The following DLGAP1 variants were observed in gnomAD, a reference collection of about 807,000 sequenced individuals.
DLGAP1 encodes the protein DLG associated protein 1.
In DLGAP1, 11 loss-of-function variants were observed where a neutral mutation model predicts 90.8. The observed-to-expected ratio is 0.12, with a 90% CI of 0.08 to 0.20. The LOEUF is 0.20. Among genes scored for constraint, DLGAP1 ranks in the 10% least tolerant of loss-of-function variants. The probability of loss-of-function intolerance (pLI) is 1.00; values close to 1 mark genes in which losing one functional copy is unlikely to be tolerated. For synonymous variants in DLGAP1, 558 were observed against 540.7 expected, an observed-to-expected ratio of 1.03 and a Z score of -0.44; for missense variants, 1,050 against 1,333.8, an observed-to-expected ratio of 0.79 and a Z score of 3.31.
chr18:3,717,753 A>C (rs1345431401), intron 7 of DLGAP1, among the ~76,000 whole-genome samples: 1 of 152,208 alleles, frequency 6.6e-6, no homozygotes, highest in East Asian at 1.9e-4. Context: ...CAATTAACAG[A>C]TATTCATGGG....
At chr18:4,365,899 A>C (rs1432471779) in intron 1 of DLGAP1, among the ~76,000 whole-genome samples, 1 of 152,106 alleles carries the variant, frequency 6.6e-6, no homozygotes, top group African/African-American at 2.4e-5. Context: ...TGGCTCTGTA[A>C]ATAGCTTGGC....
chr18:4,347,386 T>C (rs1380313689), intron 1 of DLGAP1, among the ~76,000 whole-genome samples: 2 of 152,090 alleles, frequency 1.3e-5, no homozygotes, highest in African/African-American at 4.8e-5. Context: ...TAAAAAACTT[T>C]GTTCAAAAGA....
At chr18:4,051,351 G>T (rs2075131115) in intron 2 of DLGAP1, among the ~76,000 whole-genome samples, 1 of 152,178 alleles carries the variant, frequency 6.6e-6, no homozygotes, top group South Asian at 2.1e-4. Context: ...GCATGGCTGG[G>T]GAGGTCACAG....
At chr18:3,529,170 CAG>C (rs1475005084) in intron 10 of DLGAP1, among the ~76,000 whole-genome samples, 3 of 152,186 alleles carry the variant, frequency 2.0e-5, no homozygotes, top group African/African-American at 7.2e-5. Context: ...AATAGTAAGA[CAG>C]GGGGCCTATA....
At chr18:4,242,421 C>T (rs1238022116) in intron 1 of DLGAP1, among the ~76,000 whole-genome samples, 1 of 151,972 alleles carries the variant, frequency 6.6e-6, no homozygotes, top group Admixed American at 6.6e-5. Context: ...GCACATGGAT[C>T]TGAAATGAAG....
intron 5 of DLGAP1, among the ~76,000 whole-genome samples, chr18:3,811,742 G>A (rs905719061): frequency 5.9e-5 from 9 of 152,222 alleles, no homozygotes; most frequent in African/African-American, 1.9e-4. Flanking sequence ...GGTCCAGGAC[G>A]TTGGAGGAGG....
At position 4,454,406 on chromosome 18, in the gene DLGAP1, T is replaced by TTC. The variant is rs1555621484; in HGVS notation, c.-267+598_-267+599dup. 0.013 allele frequency among the ~76,000 whole-genome samples: 2,027 copies of TTC among 150,606 alleles called. 42 individuals carry two copies. The highest frequency in any genetic ancestry group is 0.043 in the African/African-American group (1,766 of 41,136). ...CAGTGACCTCCTCCTTGGACCCCAT[T>TTC]TCTCTCTCTCTCTCTCTCTCTGTGC... On this transcript the variant is annotated intron_variant, in intron 1 of 12. Transcript: ENST00000315677. The surrounding 1 kb of genome is among the most constrained non-coding windows in gnomAD (Gnocchi z 4.7).
At chr18:3,688,843 C>T (rs2016257807) in intron 7 of DLGAP1, among the ~76,000 whole-genome samples, 1 of 152,136 alleles carries the variant, frequency 6.6e-6, no homozygotes, top group Non-Finnish European at 1.5e-5. Flanking sequence ...CATCCGGCCT[C>T]CTTTCTGGTC....
chr18:4,103,085 T>C (rs2075805426), intron 2 of DLGAP1, among the ~76,000 whole-genome samples: 1 of 152,236 alleles, frequency 6.6e-6, no homozygotes, highest in Non-Finnish European at 1.5e-5. Context: ...TATGTTTTGA[T>C]ACTTGGCGGA....
chr18:4,150,632 C>T (rs1447597639), intron 2 of DLGAP1, among the ~76,000 whole-genome samples: 4 of 152,226 alleles, frequency 2.6e-5, no homozygotes, highest in Non-Finnish European at 5.9e-5. Context: ...TGGGGTTTCA[C>T]CATATTGGCC....
intron 2 of DLGAP1, among the ~76,000 whole-genome samples, chr18:4,142,482 G>C (rs2076511148): frequency 6.6e-6 from 1 of 152,038 alleles, no homozygotes; most frequent in South Asian, 2.1e-4. Flanking sequence ...GATAGTGATA[G>C]GTCTCTGAGA....
chr18:3,746,545 A>G (rs534658873), intron 5 of DLGAP1, among the ~76,000 whole-genome samples: 1 of 152,316 alleles, frequency 6.6e-6, no homozygotes, highest in East Asian at 1.9e-4. Context: ...TGTGTATAAG[A>G]ACATATTTGC....
At chr18:3,721,106 TAAAG>T in intron 7 of DLGAP1, among the ~76,000 whole-genome samples, 1 of 152,058 alleles carries the variant, frequency 6.6e-6, no homozygotes, top group Non-Finnish European at 1.5e-5. Flanking sequence ...AAGTGAATGA[TAAAG>T]ATTCACATTG....
At chr18:3,975,952 G>A (rs117245264) in intron 3 of DLGAP1, among the ~76,000 whole-genome samples, 1 of 152,212 alleles carries the variant, frequency 6.6e-6, no homozygotes, top group East Asian at 1.9e-4. Flanking sequence ...TTTAAGGGGT[G>A]CAGAGTTTCC....
At chr18:3,970,542 G>A (rs2073424189) in intron 3 of DLGAP1, among the ~76,000 whole-genome samples, 1 of 152,010 alleles carries the variant, frequency 6.6e-6, no homozygotes. Context: ...GAAATGTGTG[G>A]GACATGAGAG....
chr18:4,062,651 C>A (rs573925090), intron 2 of DLGAP1, among the ~76,000 whole-genome samples: 35 of 152,246 alleles, frequency 2.3e-4, no homozygotes, highest in Admixed American at 1.4e-3. Context: ...TGCAAATAAT[C>A]AGGCCAAGTG....
At chr18:4,159,334 C>G (rs967051713) in intron 1 of DLGAP1, among the ~76,000 whole-genome samples, 1 of 152,174 alleles carries the variant, frequency 6.6e-6, no homozygotes, top group African/African-American at 2.4e-5. Flanking sequence ...CCCTGAAACT[C>G]TGCTTTCCTT....
intron 3 of DLGAP1, among the ~76,000 whole-genome samples, chr18:3,964,746 G>A (rs1228776608): frequency 6.6e-6 from 1 of 152,182 alleles, no homozygotes; most frequent in Non-Finnish European, 1.5e-5. Context: ...TAGAATACCA[G>A]GTGTGCTTTA....
At chr18:4,113,716 A>G (rs2076013124) in intron 2 of DLGAP1, among the ~76,000 whole-genome samples, 1 of 151,824 alleles carries the variant, frequency 6.6e-6, no homozygotes, top group Non-Finnish European at 1.5e-5. Flanking sequence ...GGTGTTTCCT[A>G]GCTTTTATTC....
Sources: allele counts gnomAD v4.1 joint callset (sites outside exome capture counted in the v4.1 genomes callset), GRCh38; gene constraint gnomAD v4.1.1; non-coding constraint Gnocchi (gnomAD v3.1); transcripts MANE v1.5; gene names NCBI Gene and HGNC (gene_info 2026-07-23, HGNC 2026-07-21).